Variants in OTUD4 observed in about 807,000 individuals in gnomAD.
The protein encoded by OTUD4 is OTU deubiquitinase 4, also known as OTU domain-containing protein 4.
OTUD4 carries 24 observed loss-of-function variants against 130.4 expected under a neutral mutation model. The observed-to-expected ratio is 0.18, with a 90% CI of 0.13 to 0.26. The LOEUF (loss-of-function observed/expected upper bound fraction) is 0.26, where lower values mean the gene tolerates loss of function less well. OTUD4 is among the 10% of genes least tolerant of loss of function. OTUD4 has a pLI of 1.00. For synonymous variants in OTUD4, 420 were observed against 472.5 expected, an observed-to-expected ratio of 0.89 and a Z score of 1.44; for missense variants, 1,031 against 1,329.4, an observed-to-expected ratio of 0.78 and a Z score of 3.49.
In OTUD4 at chr4:145,137,408, GA is replaced by G. The variant is rs762155627; in HGVS notation, c.*21del. 3 of 1,569,670 alleles carry G rather than the reference GA, an allele frequency of 1.9e-6. No individual in the cohort carries two copies. The highest frequency in any genetic ancestry group is 2.3e-5 in the South Asian group (2 of 85,820). On this transcript the variant is annotated 3_prime_UTR_variant, in exon 21 of 21. Coordinates refer to ENST00000447906, the MANE Select transcript of OTUD4 (RefSeq NM_001366057.1). Reference sequence around the variant, plus strand: ...ACATTCCACCTAAGAGTTTCTGTTAGAAAATACTTCGGCAACAACCATCAAG... The same window carrying G: ...ACATTCCACCTAAGAGTTTCTGTTAGAAATACTTCGGCAACAACCATCAAG...
In OTUD4 at chr4:145,142,231, G is replaced by C. The variant is rs545591663; in HGVS notation, c.1787C>G (p.Ala596Gly). ...AVPSLPATVP[A>G]WPSEPTTFGP... ...AAAAGTTGTAGGTTCACTTGGCCAG[G>C]CTGGCACAGTGGCTGGTAAAGAAGG... Residue 596 changes from alanine to glycine, a missense_variant, in exon 18 of 21, where the codon GCC (alanine) becomes GGC (glycine). Physicochemically the swap from Ala to Gly is moderately conservative, Grantham distance 60. This residue lies in a region of OTUD4 where 900 missense variants were observed against 1,095.9 expected (regional missense o/e 0.82). Coordinates refer to ENST00000447906, the MANE Select transcript of OTUD4 (RefSeq NM_001366057.1). 1 of 1,613,964 alleles carries C rather than the reference G, an allele frequency of 6.2e-7. No individual in the cohort carries two copies. Among genetic ancestry groups the C allele is most frequent in the East Asian group, 2.2e-5 (1 of 44,878 alleles).
At position 145,138,802 on chromosome 4, in the gene OTUD4, A is replaced by C; in HGVS notation, c.2125-152T>G. The C allele has an allele frequency of 4.6e-6, 3 of 654,058 alleles. 1 individual carries two copies. Among genetic ancestry groups the C allele is most frequent in the Non-Finnish European group, 7.6e-6 (3 of 392,344 alleles). 40.5% of individuals were successfully genotyped at this position (654,058 alleles called of 1,614,324 possible). On this transcript the variant is annotated intron_variant, in intron 20 of 20. Transcript: ENST00000447906. ...GTCCAAATACTAAATCACTGTGATA[A>C]CCAACGTGAAAATGAATTACAAAAT... is the stretch of plus-strand genomic sequence containing the variant.
chr4:145,144,117 A>G (rs1750711707), intron 15 of OTUD4, 116 bp from the exon 16 acceptor site: 45 of 1,062,306 alleles, frequency 4.2e-5, no homozygotes, highest in South Asian at 1.8e-4. Flanking sequence ...ATGTTTAGTC[A>G]GTGAAAATGT....
At chr4:145,149,402 T>G (rs754700966) in intron 13 of OTUD4, 6 of 152,240 alleles carry the variant, frequency 3.9e-5, no homozygotes, top group African/African-American at 1.4e-4. Context: ...TCTGTTGTTT[T>G]AAGCTGACCA....
intron 7 of OTUD4, among the ~76,000 whole-genome samples, chr4:145,158,712 A>G (rs1317453949): frequency 4.6e-5 from 7 of 152,172 alleles, no homozygotes; most frequent in Non-Finnish European, 8.8e-5. Flanking sequence ...GGTTCTTATA[A>G]AAGACAGAGT....
At chr4:145,145,420 G>A in intron 14 of OTUD4, among the ~76,000 whole-genome samples, 1 of 152,076 alleles carries the variant, frequency 6.6e-6, no homozygotes, top group African/African-American at 2.4e-5. Context: ...GTTTTCAACT[G>A]AGCTCCTCCT....
chr4:145,174,824 T>C, intron 1 of OTUD4, 80 bp from the exon 2 acceptor site: 1 of 749,728 alleles, frequency 1.3e-6, no homozygotes, highest in Non-Finnish European at 2.4e-6. Context: ...ACACCCAAAA[T>C]AATCTGACAA....
At chr4:145,146,081 C>T (rs1750807853) in intron 14 of OTUD4, 186 bp downstream of exon 14, 2 of 385,034 alleles carry the variant, frequency 5.2e-6, no homozygotes, top group East Asian at 8.0e-5. Flanking sequence ...TTAGTAATAT[C>T]TCTAGGTCTA....
At position 145,144,001 on chromosome 4, in the gene OTUD4, T is replaced by C; in HGVS notation, c.1547A>G (p.Asp516Gly). The change falls in exon 16 of 21, where the codon GAC becomes GGC. Residue 516 changes from aspartate to glycine, a missense_variant and splice_region_variant. By Grantham distance (94) the Asp-to-Gly change is moderately conservative (BLOSUM62 -1). Transcript: ENST00000447906. ...CAACTGACTATGTCCATGAATAGAG[T>C]CTATAGCAGATCAAGATTAAAAAAG... The part of the protein sequence containing the change: ...RMDTEERKDK[D>G]SIHGHSQLDK... The C allele has an allele frequency of 6.2e-7, 1 of 1,610,482 alleles. No homozygotes were observed. The highest frequency in any genetic ancestry group is 1.7e-4 in the Middle Eastern group (1 of 6,054).
chr4:145,174,699 T>C lies in OTUD4; in HGVS notation c.205A>G (p.Ile69Val). The C allele has an allele frequency of 2.5e-6, 4 of 1,610,174 alleles. No homozygotes were observed. The highest frequency in any genetic ancestry group is 3.4e-6 in the Non-Finnish European group (4 of 1,176,504). Residue 69 changes from isoleucine to valine, a missense_variant, in exon 2 of 21, where the codon ATT becomes GTT. Ile to Val is a conservative substitution (Grantham distance 29). Around this residue, in one of 3 missense-constraint regions of OTUD4, gnomAD observed 77 missense variants for 172.9 expected, o/e 0.45. Coordinates refer to ENST00000447906, the MANE Select transcript of OTUD4 (RefSeq NM_001366057.1). ...TCTCTGTTCTCTCGAAGATAGTGAA[T>C]ACAGGCCATTCTGACTTCAACATGG... ...SRHVEVRMACIHYLRENREKF... is the reference protein window; with the variant it reads ...SRHVEVRMACVHYLRENREKF...
At chr4:145,143,145 C>A (rs1750644795) in intron 17 of OTUD4, among the ~76,000 whole-genome samples, 1 of 152,004 alleles carries the variant, frequency 6.6e-6, no homozygotes. Context: ...GTCTCAATCA[C>A]CAGAAAATGG....
intron 1 of OTUD4, chr4:145,178,429 C>T (rs1410266432): frequency 2.6e-5 from 4 of 152,254 alleles, no homozygotes; most frequent in African/African-American, 9.6e-5. Context: ...CCACCTCTTC[C>T]CTAGGCTTCT....
intron 1 of OTUD4, 102 bp from the exon 2 acceptor site, chr4:145,174,846 T>C (rs1240904183): frequency 2.5e-5 from 17 of 672,586 alleles, no homozygotes; most frequent in Non-Finnish European, 4.4e-5. Flanking sequence ...CAATAGATTA[T>C]CAGTCTTTCT....
At chr4:145,161,003 G>A (rs1026712933) in intron 6 of OTUD4, among the ~76,000 whole-genome samples, 16 of 151,472 alleles carry the variant, frequency 1.1e-4, no homozygotes, top group Admixed American at 3.3e-4. Context: ...CAAGCTACTC[G>A]GGAGGCTGAG....
rs1750321725 is a variant in OTUD4, at chr4:145,137,299, G to A, written c.*131C>T. ...GTCCAAAATGTCTTGTCCAGTATGG[G>A]AGTGAAGGTAAGGGGGGCTGGGGAG... On this transcript the variant is annotated 3_prime_UTR_variant, in exon 21 of 21. Coordinates refer to ENST00000447906, the MANE Select transcript of OTUD4 (RefSeq NM_001366057.1). 7 of 723,188 alleles carry A rather than the reference G, an allele frequency of 9.7e-6. No homozygotes were observed. The Admixed American group carries it at 1.5e-4, about 15-fold the overall frequency. The allele number at this position is 723,188 out of a possible 1,614,324, so 44.8% of individuals were successfully genotyped here.
chr4:145,177,227 A>G (rs1411041678), intron 1 of OTUD4, among the ~76,000 whole-genome samples: 1 of 152,234 alleles, frequency 6.6e-6, no homozygotes, highest in East Asian at 1.9e-4. Flanking sequence ...TCTTAAAGCC[A>G]TTTACCTAGC....
At chr4:145,156,037 T>A in intron 7 of OTUD4, 41 bp from the exon 8 acceptor site, 1 of 1,503,666 alleles carries the variant, frequency 6.7e-7, no homozygotes, top group Non-Finnish European at 9.2e-7. Context: ...GAAAAAGGTA[T>A]TTGCACGTAA....
At chr4:145,168,180 A>G (rs189607766) in intron 3 of OTUD4, among the ~76,000 whole-genome samples, 1 of 152,212 alleles carries the variant, frequency 6.6e-6, no homozygotes, top group East Asian at 1.9e-4. Flanking sequence ...AAATTACATA[A>G]CTTAAATGTT....
intron 10 of OTUD4, among the ~76,000 whole-genome samples, chr4:145,154,433 A>G (rs919698031): frequency 3.3e-5 from 5 of 152,238 alleles, no homozygotes; most frequent in African/African-American, 4.8e-5. Flanking sequence ...TGTTTCCTCC[A>G]TAAGTCAAAA....
Sources: gnomAD v4.1 joint callset for allele counts (sites outside exome capture counted in the v4.1 genomes callset) on GRCh38, gnomAD v4.1.1 for gene constraint, gnomAD v4.1.1 regional missense constraint, MANE v1.5 for transcripts, NCBI Gene and HGNC (gene_info 2026-07-23, HGNC 2026-07-21) for gene names.